GCKR: variants seen among roughly 807,000 people sequenced by gnomAD.
GCKR encodes glucokinase regulator.
A neutral mutation model predicts 82.9 loss-of-function variants in GCKR; 73 were observed. The observed-to-expected ratio is 0.88, with a 90% CI of 0.73 to 1.07. The LOEUF (loss-of-function observed/expected upper bound fraction) is 1.07. Ranked by LOEUF, GCKR falls within the 50% of genes least tolerant of loss-of-function variation. The probability of loss-of-function intolerance (pLI) is 0.00; values close to 1 mark genes in which losing one functional copy is unlikely to be tolerated. For synonymous variants in GCKR, 294 were observed against 291.8 expected (o/e 1.01, Z -0.08); for missense variants, 784 against 782.1 (o/e 1.00, Z -0.03).
chr2:27,505,587 C>T, intron 9 of GCKR, 131 bp from the exon 10 acceptor site: 1 of 719,086 alleles, frequency 1.4e-6, no homozygotes, highest in Non-Finnish European at 2.6e-6. Context: ...TCAAGCCCAC[C>T]CCAGCACCCT....
At chr2:27,508,903 A>T (rs773506661) in intron 16 of GCKR, among the ~76,000 whole-genome samples, 1 of 151,596 alleles carries the variant, frequency 6.6e-6, no homozygotes, top group Non-Finnish European at 1.5e-5. Flanking sequence ...ACTATGCTGA[A>T]TTCATTGCAG....
chr2:27,498,643 T>A (rs1460304956), intron 4 of GCKR, 81 bp from the exon 5 acceptor site: 1 of 863,756 alleles, frequency 1.2e-6, no homozygotes, highest in Non-Finnish European at 2.0e-6. Flanking sequence ...TTATATAGTC[T>A]CTGCCCTCTA....
Position 27,506,835 on chromosome 2 carries a change from G to C in GCKR, c.1016G>C (p.Gly339Ala). 2.5e-6 allele frequency: 4 copies of C among 1,613,648 alleles called. No homozygotes were observed. Among genetic ancestry groups the C allele is most frequent in the Non-Finnish European group, 3.4e-6 (4 of 1,179,578 alleles). The change falls in exon 12 of 19, where the codon GGC becomes GCC. Residue 339 changes from glycine (G) to alanine (A), a missense_variant. Physicochemically the swap from Gly to Ala is moderately conservative, Grantham distance 60 (BLOSUM62 0). Coordinates refer to ENST00000264717, the MANE Select transcript of GCKR (RefSeq NM_001486.4). ...TACCTGGTTGGCTGGCAGACCCTGG[G>C]CATCATTGCCATCATGGATGGAGTA... ...HVYLVGWQTL[G>A]IIAIMDGVEC... is the part of the protein sequence containing the mutation.
intron 9 of GCKR, among the ~76,000 whole-genome samples, chr2:27,505,469 C>T (rs185498060): frequency 6.6e-6 from 1 of 151,422 alleles, no homozygotes; most frequent in African/African-American, 2.4e-5. Flanking sequence ...AAACCCTTGA[C>T]CCAGCTGACA....
intron 16 of GCKR, among the ~76,000 whole-genome samples, chr2:27,518,562 A>G (rs1670065481): frequency 6.6e-6 from 1 of 152,216 alleles, no homozygotes; most frequent in Non-Finnish European, 1.5e-5. Flanking sequence ...CTGTCTACCT[A>G]GGGGTCAAAA....
At chr2:27,505,625 GT>G in intron 9 of GCKR, 92 bp from the exon 10 acceptor site, 1 of 754,252 alleles carries the variant, frequency 1.3e-6, no homozygotes, top group Admixed American at 1.7e-5. Flanking sequence ...GGGGCCACTG[GT>G]ACTATCACAT....
chr2:27,516,382 C>T (rs1172788033), intron 16 of GCKR, among the ~76,000 whole-genome samples: 1 of 150,514 alleles, frequency 6.6e-6, no homozygotes, highest in African/African-American at 2.5e-5. Flanking sequence ...CCTCCGCCCC[C>T]CAGGTTCAAG....
At chr2:27,502,696 T>C (rs932345647) in intron 8 of GCKR, among the ~76,000 whole-genome samples, 34 of 152,166 alleles carry the variant, frequency 2.2e-4, no homozygotes, top group African/African-American at 7.7e-4. Flanking sequence ...TATGTGAAAC[T>C]TGTCTGCCCT....
At chr2:27,499,832 A>G (rs1669531175) in intron 7 of GCKR, among the ~76,000 whole-genome samples, 1 of 152,056 alleles carries the variant, frequency 6.6e-6, no homozygotes, top group Admixed American at 6.6e-5. Flanking sequence ...ATTTCGGCTC[A>G]CTGTAAACTC....
chr2:27,498,654 G>T, intron 4 of GCKR, 70 bp from the exon 5 acceptor site: 1 of 924,874 alleles, frequency 1.1e-6, no homozygotes, highest in Non-Finnish European at 1.8e-6. Flanking sequence ...CTGCCCTCTA[G>T]GAGTTGAAAA....
In GCKR at chr2:27,506,815, G is replaced by C; in HGVS notation, c.996G>C (p.Leu332=). The C allele has an allele frequency of 6.2e-7, 1 of 1,613,352 alleles. No individual in the cohort carries two copies. The highest frequency in any genetic ancestry group is 2.2e-5 in the East Asian group (1 of 44,876). ...TSLEKKGHVY[L]VGWQTLGIIA... ...TGGAGAAGAAAGGCCACGTGTACCT[G>C]GTTGGCTGGCAGACCCTGGGCATCA... is the stretch of plus-strand genomic sequence containing the variant. Residue 332 remains leucine (L), a synonymous_variant, in exon 12 of 19, where the codon CTG becomes CTC. Transcript: ENST00000264717.
chr2:27,507,195 T>C, intron 12 of GCKR, 40 bp from the exon 13 acceptor site: 1 of 1,359,090 alleles, frequency 7.4e-7, no homozygotes, highest in Non-Finnish European at 1.1e-6. Flanking sequence ...CTTTCCTATA[T>C]AGCCAATCAC....
At position 27,522,460 on chromosome 2, in the gene GCKR, C is replaced by A; in HGVS notation, c.1573C>A (p.Arg525=). The A allele has an allele frequency of 6.2e-7, 1 of 1,613,698 alleles. No homozygotes were observed. The highest frequency in any genetic ancestry group is 8.5e-7 in the Non-Finnish European group (1 of 1,179,654). ...LFWRALAMLQ[R]FSGQSKARCI... ...ACTGATCTTACCACTTCTTCCTTAG[C>A]GGTTCTCTGGACAGTCCAAGGCTCG... The change falls in exon 18 of 19, where the codon CGG becomes AGG. Residue 525 remains arginine (R), a splice_region_variant and synonymous_variant. Transcript: ENST00000264717.
chr2:27,505,684 T>C, intron 9 of GCKR, 34 bp from the exon 10 acceptor site: 1 of 1,173,624 alleles, frequency 8.5e-7, no homozygotes. Context: ...CTTCATCCTC[T>C]CCCAATTCCT....
chr2:27,517,570 CTT>C (rs1670041413), intron 16 of GCKR, among the ~76,000 whole-genome samples: 1 of 152,188 alleles, frequency 6.6e-6, no homozygotes. Context: ...TGGTCTCTCT[CTT>C]GACACATGGG....
chr2:27,507,019 CA>C (rs1221262195), intron 12 of GCKR, 134 bp downstream of exon 12: 1 of 782,382 alleles, frequency 1.3e-6, no homozygotes, highest in East Asian at 2.4e-5. Context: ...ATAGGCACTT[CA>C]GTCAAATTCT....
At chr2:27,498,368 G>GGGGGAA in intron 4 of GCKR, 45 bp downstream of exon 4, 1 of 1,446,120 alleles carries the variant, frequency 6.9e-7, no homozygotes, top group Non-Finnish European at 9.7e-7. Flanking sequence ...CACTTCTGGA[G>GGGGGAA]GTGACCCTCA....
intron 3 of GCKR, 115 bp downstream of exon 3, chr2:27,497,745 C>G: frequency 2.7e-6 from 2 of 733,684 alleles, no homozygotes; most frequent in Non-Finnish European, 5.0e-6. Context: ...TTTTGGAGAT[C>G]CTCCCTTTTG....
chr2:27,498,961 G>T (rs1669497332), intron 5 of GCKR, among the ~76,000 whole-genome samples, 164 bp downstream of exon 5: 1 of 152,190 alleles, frequency 6.6e-6, no homozygotes, highest in African/African-American at 2.4e-5. Context: ...TCGCCTGACT[G>T]GCTGTTGTAG....
Sources: gnomAD v4.1 joint callset for allele counts (sites outside exome capture counted in the v4.1 genomes callset) on GRCh38, gnomAD v4.1.1 for gene constraint, MANE v1.5 for transcripts, NCBI Gene and HGNC (gene_info 2026-07-23, HGNC 2026-07-21) for gene names.